Variants in GPHN observed in about 807,000 individuals in gnomAD.
GPHN encodes gephyrin.
A neutral mutation model predicts 95.5 loss-of-function variants in GPHN; 17 were observed. The ratio of observed to expected loss-of-function variants is 0.18; its 90% CI spans 0.12 to 0.27. GPHN has a LOEUF of 0.27. Ranked by LOEUF, GPHN falls within the 10% of genes least tolerant of loss-of-function variation. The pLI is 1.00. For synonymous variants in GPHN, 320 were observed against 322.5 expected, an observed-to-expected ratio of 0.99 and a Z score of 0.08; for missense variants, 660 against 978.1, an observed-to-expected ratio of 0.67 and a Z score of 4.34.
chr14:67,132,765 A>G (rs1383047030), intron 17 of GPHN, among the ~76,000 whole-genome samples: 1 of 151,968 alleles, frequency 6.6e-6, no homozygotes, highest in African/African-American at 2.4e-5. Context: ...ACTCATAAAA[A>G]GTAATGTCTT....
At chr14:66,766,388 G>A (rs2058963225) in intron 2 of GPHN, among the ~76,000 whole-genome samples, 1 of 151,992 alleles carries the variant, frequency 6.6e-6, no homozygotes, top group South Asian at 2.1e-4. Flanking sequence ...TACACTTTAG[G>A]AGTGAAGGCA....
the GPHN span, among the ~76,000 whole-genome samples, chr14:67,688,673 G>T: frequency 6.6e-6 from 1 of 150,682 alleles, no homozygotes; most frequent in East Asian, 2.0e-4. Flanking sequence ...GGCCTCAAGT[G>T]ATCCTCCGGT....
the GPHN span, among the ~76,000 whole-genome samples, chr14:67,372,698 C>T: frequency 6.6e-6 from 1 of 151,732 alleles, no homozygotes; most frequent in Non-Finnish European, 1.5e-5. Context: ...CATAGTGGTG[C>T]GTGCCTGTAG....
the GPHN span, among the ~76,000 whole-genome samples, chr14:67,499,172 T>C: frequency 0.82 from 123,842 of 151,758 alleles, 51,371 homozygotes; most frequent in South Asian, 0.92. Context: ...CCAGGTAATT[T>C]CTTAATTTTT....
chr14:66,775,065 G>A (rs2059333662), intron 2 of GPHN, among the ~76,000 whole-genome samples: 1 of 151,588 alleles, frequency 6.6e-6, no homozygotes, highest in Non-Finnish European at 1.5e-5. Context: ...ACATTTGCAG[G>A]TTTGTTACAT....
At chr14:67,611,645 A>G in the GPHN span, among the ~76,000 whole-genome samples, 1 of 152,186 alleles carries the variant, frequency 6.6e-6, no homozygotes, top group Non-Finnish European at 1.5e-5. Context: ...AAAACAACCA[A>G]TTGGAAAAAC....
At chr14:66,701,461 A>C (rs966050304) in intron 2 of GPHN, among the ~76,000 whole-genome samples, 2 of 152,172 alleles carry the variant, frequency 1.3e-5, no homozygotes, top group African/African-American at 4.8e-5. Context: ...CCTGCAACCA[A>C]GGTATTCAGG....
At chr14:66,912,298 A>C (rs723432) in intron 5 of GPHN, among the ~76,000 whole-genome samples, 48,221 of 151,796 alleles carry the variant, frequency 0.32, 12,043 homozygotes, top group African/African-American at 0.67. Context: ...CTCTGTAACA[A>C]CTACCAGTTC....
At chr14:67,376,055 T>A in the GPHN span, among the ~76,000 whole-genome samples, 241 of 152,116 alleles carry the variant, frequency 1.6e-3, 1 homozygote, top group African/African-American at 4.9e-3. Flanking sequence ...AGAAAAAAAA[T>A]TTTTTTTATC....
At chr14:66,714,618 A>G (rs916825167) in intron 2 of GPHN, among the ~76,000 whole-genome samples, 7 of 152,198 alleles carry the variant, frequency 4.6e-5, no homozygotes, top group African/African-American at 1.7e-4. Context: ...TGGGTTTGTC[A>G]TAGATGGCTT....
At chr14:67,562,995 C>T in the GPHN span, 1,111 of 1,248,568 alleles carry the variant, frequency 8.9e-4, 13 homozygotes, top group African/African-American at 0.015. Flanking sequence ...AGGCTGCTGG[C>T]ATCCTCATGG....
At chr14:67,389,716 G>A in the GPHN span, among the ~76,000 whole-genome samples, 2 of 151,796 alleles carry the variant, frequency 1.3e-5, no homozygotes, top group South Asian at 4.2e-4. Context: ...GGGGCACAAA[G>A]AAAGTAGGTT....
chr14:67,100,207 G>A (rs559223880), intron 12 of GPHN, among the ~76,000 whole-genome samples: 1 of 152,198 alleles, frequency 6.6e-6, no homozygotes, highest in African/African-American at 2.4e-5. Context: ...TACAAGACTG[G>A]ATTTTAGTCC....
In GPHN at chr14:66,923,008, G is replaced by C. The variant is rs374409242; in HGVS notation, c.729+70G>C. 3.1e-6 allele frequency: 4 copies of C among 1,284,546 alleles called. No homozygotes were observed. In the African/African-American group the frequency reaches 6.6e-5, roughly 21 times the overall value. The allele number at this position is 1,284,546 out of a possible 1,614,324, so 79.6% of individuals were successfully genotyped here. ...TAAATGTACTGGTTTCATCTGTTTTGCATCGCATCCCTCCCTACATTTAAT... is the reference window on the plus strand; with the variant it reads ...TAAATGTACTGGTTTCATCTGTTTTCCATCGCATCCCTCCCTACATTTAAT... On this transcript the variant is annotated intron_variant, in intron 7 of 22. Transcript: ENST00000478722.
At chr14:67,734,223 T>A in the GPHN span, 1 of 284,346 alleles carries the variant, frequency 3.5e-6, no homozygotes, top group East Asian at 8.0e-5. Context: ...CACTGCCTAT[T>A]TCTAGGGGCT....
At chr14:67,620,130 C>A in the GPHN span, 1 of 1,421,728 alleles carries the variant, frequency 7.0e-7, no homozygotes, top group Non-Finnish European at 9.6e-7. Flanking sequence ...GATCCTCCGC[C>A]CCCTAGAACC....
chr14:66,575,738 T>C (rs1272215280), intron 1 of GPHN, among the ~76,000 whole-genome samples: 1 of 152,078 alleles, frequency 6.6e-6, no homozygotes, highest in Non-Finnish European at 1.5e-5. Context: ...GTGGGCCTGC[T>C]AACTGGATTT....
the GPHN span, among the ~76,000 whole-genome samples, chr14:67,282,214 T>C: frequency 6.6e-6 from 1 of 152,144 alleles, no homozygotes; most frequent in Non-Finnish European, 1.5e-5. Context: ...TTTTTTCTTG[T>C]TCATAATCTG....
chr14:66,793,084 C>T (rs984412866), intron 3 of GPHN, among the ~76,000 whole-genome samples: 5 of 152,278 alleles, frequency 3.3e-5, no homozygotes, highest in African/African-American at 9.6e-5. Flanking sequence ...CACAACCTTC[C>T]GGCGTGGGCC....
Sources: gnomAD v4.1 joint callset for allele counts (sites outside exome capture counted in the v4.1 genomes callset) on GRCh38, gnomAD v4.1.1 for gene constraint, MANE v1.5 for transcripts, NCBI Gene and HGNC (gene_info 2026-07-23, HGNC 2026-07-21) for gene names.